The following LRRC4C variants were observed in gnomAD, a reference collection of about 807,000 sequenced individuals.
LRRC4C encodes leucine rich repeat containing 4C.
In LRRC4C, 5 loss-of-function variants were observed where a neutral mutation model predicts 33.6. The ratio of observed to expected loss-of-function variants is 0.15; its 90% CI spans 0.08 to 0.31. The LOEUF (loss-of-function observed/expected upper bound fraction) is 0.31. Among genes scored for constraint, LRRC4C ranks in the 10% least tolerant of loss-of-function variants. The pLI is 1.00. For synonymous variants in LRRC4C, 329 were observed against 302.0 expected (o/e 1.09, Z -0.93); for missense variants, 560 against 796.7 (o/e 0.70, Z 3.58).
chr11:40,125,089 G>A (rs890150564), intron 6 of LRRC4C, among the ~76,000 whole-genome samples: 6 of 152,130 alleles, frequency 3.9e-5, no homozygotes, highest in African/African-American at 9.7e-5. Context: ...AGTTAGCTAA[G>A]CTCATGTCTA....
intron 1 of LRRC4C, among the ~76,000 whole-genome samples, chr11:41,350,958 G>T (rs540250401): frequency 2.6e-5 from 4 of 152,130 alleles, no homozygotes; most frequent in African/African-American, 7.2e-5. Context: ...GGCTGGGTGT[G>T]GTGGCTCATG....
chr11:40,323,166 C>T (rs545192988), intron 3 of LRRC4C, among the ~76,000 whole-genome samples: 1 of 152,126 alleles, frequency 6.6e-6, no homozygotes, highest in South Asian at 2.1e-4. Context: ...CATAGCTTCT[C>T]ATAGCTAAAC....
chr11:40,595,025 G>GT (rs536213368), intron 3 of LRRC4C, among the ~76,000 whole-genome samples: 15 of 151,990 alleles, frequency 9.9e-5, no homozygotes, highest in South Asian at 2.1e-4. Context: ...ATATTGAATA[G>GT]TTTTTTTCTC....
intron 4 of LRRC4C, among the ~76,000 whole-genome samples, chr11:40,308,463 A>G (rs759109160): frequency 2.5e-4 from 38 of 152,230 alleles, no homozygotes; most frequent in Non-Finnish European, 5.3e-4. Context: ...TGTCTCATAC[A>G]TGGCAAAAGG....
intron 1 of LRRC4C, among the ~76,000 whole-genome samples, chr11:41,084,926 A>G (rs1183653563): frequency 6.6e-6 from 1 of 152,178 alleles, no homozygotes; most frequent in South Asian, 2.1e-4. Flanking sequence ...TTGAAACTCA[A>G]TTCTCTAAAA....
At chr11:40,422,503 T>A (rs1265947743) in intron 3 of LRRC4C, among the ~76,000 whole-genome samples, 4 of 152,328 alleles carry the variant, frequency 2.6e-5, no homozygotes, top group African/African-American at 9.6e-5. Context: ...TGTTCAACGT[T>A]GATTTCTTAT....
chr11:40,154,572 C>A (rs977380459), intron 5 of LRRC4C, among the ~76,000 whole-genome samples: 2 of 152,092 alleles, frequency 1.3e-5, no homozygotes, highest in Non-Finnish European at 2.9e-5. Context: ...GCAGACAAAA[C>A]AAACTTTAAA....
At chr11:41,111,407 C>A (rs1228424143) in intron 1 of LRRC4C, among the ~76,000 whole-genome samples, 1 of 152,022 alleles carries the variant, frequency 6.6e-6, no homozygotes, top group African/African-American at 2.4e-5. Flanking sequence ...TTTCTGTGAA[C>A]ATAGCTTTGA....
intron 1 of LRRC4C, among the ~76,000 whole-genome samples, chr11:41,284,728 G>A (rs1192760743): frequency 2.0e-5 from 3 of 152,176 alleles, no homozygotes; most frequent in African/African-American, 7.2e-5. Flanking sequence ...CAGGGCATGT[G>A]ACTGGATTCC....
intron 5 of LRRC4C, among the ~76,000 whole-genome samples, chr11:40,217,638 A>C (rs922487361): frequency 4.6e-5 from 7 of 152,140 alleles, no homozygotes; most frequent in Non-Finnish European, 1.0e-4. Flanking sequence ...TAATGTTAAC[A>C]GTCATTCTTC....
At chr11:40,941,080 A>T (rs1958122829) in intron 1 of LRRC4C, among the ~76,000 whole-genome samples, 1 of 152,120 alleles carries the variant, frequency 6.6e-6, no homozygotes, top group Non-Finnish European at 1.5e-5. Flanking sequence ...AAGCAGTGAA[A>T]TGGCATTTCA....
intron 3 of LRRC4C, among the ~76,000 whole-genome samples, chr11:40,380,856 G>A (rs1025676366): frequency 6.6e-6 from 1 of 152,166 alleles, no homozygotes; most frequent in African/African-American, 2.4e-5. Context: ...AATGAAATAT[G>A]TGTTCACACA....
rs146690560 is a variant in LRRC4C at position 41,155,025 on chromosome 11, A to C, written c.-495-221302T>G. ...AAGAAGAGGTGGCAACAATTATTTA[A>C]CTGGTTTGTATTAGAAATTATATTA... On this transcript the variant is annotated intron_variant, in intron 1 of 6. Transcript: ENST00000528697. Among the ~76,000 whole-genome samples the C allele has an allele frequency of 9.1e-4, 138 of 152,198 alleles. 4 individuals are homozygous for C. The East Asian group carries it at 0.024, about 27-fold the overall frequency.
Position 40,915,582 on chromosome 11 carries a change from C to T in LRRC4C, c.-407+18053G>A, listed in dbSNP as rs369807030. ...AAAGACTTAAATGTTAGACCTAAAA[C>T]CATAAAAACCCTAGAAGAAAACCTA... On this transcript the variant is annotated intron_variant, in intron 2 of 6. Transcript: ENST00000528697. 2.5e-3 allele frequency among the ~76,000 whole-genome samples: 376 copies of T among 152,274 alleles called. 9 individuals carry two copies. In the South Asian group the frequency reaches 0.043, roughly 17 times the overall value.
chr11:41,159,727 C>T (rs1380015041), intron 1 of LRRC4C, among the ~76,000 whole-genome samples: 1 of 151,952 alleles, frequency 6.6e-6, no homozygotes, highest in Non-Finnish European at 1.5e-5. Context: ...GTATTTGACC[C>T]TGGAAAAGAA....
At chr11:41,274,176 C>A (rs1433982169) in intron 1 of LRRC4C, among the ~76,000 whole-genome samples, 4 of 151,990 alleles carry the variant, frequency 2.6e-5, no homozygotes. Flanking sequence ...GGAGAAGCAG[C>A]CAGGCTTAGA....
intron 1 of LRRC4C, among the ~76,000 whole-genome samples, chr11:41,006,975 G>A (rs947890689): frequency 2.0e-5 from 3 of 151,982 alleles, no homozygotes; most frequent in African/African-American, 7.2e-5. Flanking sequence ...TTAAATGATT[G>A]CCCCAAAGGC....
intron 3 of LRRC4C, among the ~76,000 whole-genome samples, chr11:40,604,987 T>A (rs1031314948): frequency 6.6e-6 from 1 of 152,164 alleles, no homozygotes; most frequent in Admixed American, 6.5e-5. Flanking sequence ...TAGATCTTGA[T>A]CCTTTCTATT....
chr11:40,670,251 C>T (rs1944024719), intron 2 of LRRC4C, among the ~76,000 whole-genome samples: 1 of 152,206 alleles, frequency 6.6e-6, no homozygotes, highest in African/African-American at 2.4e-5. Flanking sequence ...TGCGGTGTCC[C>T]TGTACCTACA....
Sources: allele counts gnomAD v4.1 joint callset (sites outside exome capture counted in the v4.1 genomes callset), GRCh38; gene constraint gnomAD v4.1.1; transcripts MANE v1.5; gene names NCBI Gene and HGNC (gene_info 2026-07-23, HGNC 2026-07-21).